Variants in SUCLG2 observed in about 807,000 individuals in gnomAD.
SUCLG2 encodes the protein succinate--CoA ligase [GDP-forming] subunit beta, mitochondrial.
In SUCLG2, 42 loss-of-function variants were observed where a neutral mutation model predicts 47.9. The observed-to-expected ratio is 0.88, with a 90% confidence interval of 0.69 to 1.14. The LOEUF is 1.14. Among genes scored for constraint, SUCLG2 ranks in the 50% most tolerant of loss-of-function variants. The pLI is 0.00. For missense variants in SUCLG2, 571 were observed against 525.9 expected, an observed-to-expected ratio of 1.09 and a Z score of -0.84; for synonymous variants, 195 against 197.3, an observed-to-expected ratio of 0.99 and a Z score of 0.10.
intron 7 of SUCLG2, among the ~76,000 whole-genome samples, chr3:67,498,672 G>A (rs1451352661): frequency 6.6e-6 from 1 of 151,980 alleles, no homozygotes; most frequent in African/African-American, 2.4e-5. Context: ...TCTCTTCTAT[G>A]TAAAGAGAGA....
At chr3:67,651,746 T>C (rs1314223619) in intron 1 of SUCLG2, among the ~76,000 whole-genome samples, 1 of 152,230 alleles carries the variant, frequency 6.6e-6, no homozygotes, top group Non-Finnish European at 1.5e-5. Flanking sequence ...ATTGTTCATT[T>C]TTCAGTATGT....
chr3:67,478,319 C>T (rs542339497), intron 9 of SUCLG2, among the ~76,000 whole-genome samples: 7 of 152,318 alleles, frequency 4.6e-5, no homozygotes, highest in East Asian at 1.9e-4. Flanking sequence ...TTAACTGCAT[C>T]GTACAGACCA....
chr3:67,621,165 G>C (rs1194990919), intron 1 of SUCLG2, among the ~76,000 whole-genome samples: 1 of 152,172 alleles, frequency 6.6e-6, no homozygotes, highest in Admixed American at 6.5e-5. Context: ...GCATGGCTGT[G>C]TTCCAATAAA....
intron 2 of SUCLG2, among the ~76,000 whole-genome samples, chr3:67,559,358 G>A (rs1485752578): frequency 6.6e-6 from 1 of 152,190 alleles, no homozygotes; most frequent in Non-Finnish European, 1.5e-5. Context: ...GTTCCGCATG[G>A]CTGGGGAGGT....
intron 9 of SUCLG2, among the ~76,000 whole-genome samples, chr3:67,476,321 G>C (rs911625605): frequency 6.6e-6 from 1 of 151,998 alleles, no homozygotes; most frequent in East Asian, 1.9e-4. Flanking sequence ...CCTCCTGTCC[G>C]ATCAGTGGCG....
At chr3:67,374,257 G>A (rs1701991931), downstream of SUCLG2, among the ~76,000 whole-genome samples, 1 of 152,078 alleles carries the variant, frequency 6.6e-6, no homozygotes, top group Non-Finnish European at 1.5e-5. Flanking sequence ...ATTTCTCCAT[G>A]GCAAACATGG....
chr3:67,648,157 C>T (rs1701223283), intron 1 of SUCLG2, among the ~76,000 whole-genome samples: 1 of 152,094 alleles, frequency 6.6e-6, no homozygotes, highest in Admixed American at 6.5e-5. Context: ...TAAATTGAGG[C>T]TCAGTCAGGT....
intron 2 of SUCLG2, among the ~76,000 whole-genome samples, chr3:67,593,991 G>C (rs1484117790): frequency 6.6e-6 from 1 of 152,118 alleles, no homozygotes; most frequent in East Asian, 1.9e-4. Context: ...CTTGCAGTTG[G>C]GCTTGCTCTC....
chr3:67,477,795 T>A lies in SUCLG2; in HGVS notation c.1062+18003A>T, dbSNP rs528811997. Among the ~76,000 whole-genome samples, 7 of 152,230 alleles carry A rather than the reference T, an allele frequency of 4.6e-5. No individual in the cohort carries two copies. In the East Asian group the frequency reaches 1.4e-3, roughly 29 times the overall value. On this transcript the variant is annotated intron_variant, in intron 9 of 10. Transcript: ENST00000307227. ...AATTATCTCTCTTTTGTTCACCACA[T>A]CCCCATTCCTCAAAGAGCAGCAGAA...
chr3:67,653,755 C>T (rs1351183025), intron 1 of SUCLG2, among the ~76,000 whole-genome samples: 1 of 152,164 alleles, frequency 6.6e-6, no homozygotes, highest in Non-Finnish European at 1.5e-5. Flanking sequence ...TCCTGAAGTC[C>T]TTCTGACTAT....
At chr3:67,441,388 C>T (rs1235380498) in intron 9 of SUCLG2, among the ~76,000 whole-genome samples, 1 of 151,388 alleles carries the variant, frequency 6.6e-6, no homozygotes, top group Non-Finnish European at 1.5e-5. Context: ...AAGACTGTGG[C>T]TTCAGTGTTG....
At chr3:67,378,907 G>A (rs1702091671) in intron 10 of SUCLG2, among the ~76,000 whole-genome samples, 2 of 152,162 alleles carry the variant, frequency 1.3e-5, no homozygotes. Context: ...ATGGACACAG[G>A]AGCAAACCAG....
At chr3:67,611,607 A>C (rs1019432585) in intron 1 of SUCLG2, among the ~76,000 whole-genome samples, 8 of 152,366 alleles carry the variant, frequency 5.3e-5, no homozygotes, top group Non-Finnish European at 7.3e-5. Flanking sequence ...AGGAACAATC[A>C]ATAGATTATG....
At chr3:67,473,489 A>G (rs1704655280) in intron 9 of SUCLG2, among the ~76,000 whole-genome samples, 1 of 152,184 alleles carries the variant, frequency 6.6e-6, no homozygotes, top group Non-Finnish European at 1.5e-5. Flanking sequence ...AAAAAGAATG[A>G]GTATTAAAAG....
Position 67,654,504 on chromosome 3 carries a change from T to C in SUCLG2, c.83A>G (p.Gln28Arg). ...CGCAGCTCCTGCCCCCACGCTCACC[T>C]GGGACCCGGCCGCCAGGAAGCGGGG... ...LRPRFLAAGS[Q>R]AVQLTSRRWL... The change falls in exon 1 of 11, where the codon CAG becomes CGG. Residue 28 changes from glutamine to arginine, a missense_variant and splice_region_variant. By Grantham distance (43) the Gln-to-Arg change is conservative. Coordinates refer to ENST00000307227, the MANE Select transcript of SUCLG2 (RefSeq NM_003848.4). 8.1e-7 allele frequency: 1 copy of C among 1,239,622 alleles called. No individual in the cohort carries two copies. 76.8% of individuals were successfully genotyped at this position (1,239,622 alleles called of 1,614,324 possible).
At chr3:67,623,982 G>A (rs1700780003) in intron 1 of SUCLG2, among the ~76,000 whole-genome samples, 1 of 152,176 alleles carries the variant, frequency 6.6e-6, no homozygotes, top group Non-Finnish European at 1.5e-5. Context: ...ACACCCTGCA[G>A]TTAGCAATTT....
chr3:67,442,944 A>T (rs1002719600), intron 9 of SUCLG2, among the ~76,000 whole-genome samples: 10 of 152,160 alleles, frequency 6.6e-5, no homozygotes, highest in Admixed American at 3.3e-4. Flanking sequence ...AGCTCTCCCT[A>T]TCCATGGGTT....
In SUCLG2 at chr3:67,376,364, G is replaced by A. The variant is rs897410605; in HGVS notation, c.1184-505C>T. The A allele has an allele frequency of 8.1e-6, 8 of 985,414 alleles. No homozygotes were observed. The African/African-American group carries it at 1.4e-4, about 17-fold the overall frequency. 61.0% of individuals were successfully genotyped at this position (985,414 alleles called of 1,614,324 possible). ...AAATGGGCTGAGCCCTTCAAAACGG[G>A]CAAAGCAGCCTCTGATGGCAATCTC... On this transcript the variant is annotated intron_variant, in intron 10 of 10. Coordinates refer to ENST00000307227, the MANE Select transcript of SUCLG2 (RefSeq NM_003848.4).
rs369554981 is a variant in SUCLG2, at chr3:67,619,680, G to C, written c.85-10084C>G. On this transcript the variant is annotated intron_variant, in intron 1 of 10. Coordinates refer to ENST00000307227, the MANE Select transcript of SUCLG2 (RefSeq NM_003848.4). ...TGTTCTTTTTATCCTAGGTTCAGCA[G>C]AAAAGCAGCATATATTTTAAGGAGC... Among the ~76,000 whole-genome samples, 13 of 152,284 alleles carry C rather than the reference G, an allele frequency of 8.5e-5. 1 individual carries two copies. In the East Asian group the frequency reaches 2.3e-3, roughly 27 times the overall value.
Sources: gnomAD v4.1 joint callset for allele counts (sites outside exome capture counted in the v4.1 genomes callset) on GRCh38, gnomAD v4.1.1 for gene constraint, MANE v1.5 for transcripts, NCBI Gene and HGNC (gene_info 2026-07-23, HGNC 2026-07-21) for gene names.